The following DPYSL3 variants were observed in gnomAD, a reference collection of about 807,000 sequenced individuals.
DPYSL3 encodes the protein dihydropyrimidinase-related protein 3.
In DPYSL3, 16 loss-of-function variants were observed where a neutral mutation model predicts 66.1. The observed-to-expected ratio is 0.24, with a 90% confidence interval of 0.16 to 0.37. DPYSL3 has a LOEUF of 0.37. Among genes scored for constraint, DPYSL3 ranks in the 10% least tolerant of loss-of-function variants. The pLI is 1.00. For missense variants in DPYSL3, 738 were observed against 916.2 expected (o/e 0.81, Z 2.51); for synonymous variants, 338 against 345.1 (o/e 0.98, Z 0.23).
chr5:147,489,117 C>G (rs1319893369), intron 1 of DPYSL3, among the ~76,000 whole-genome samples: 1 of 152,132 alleles, frequency 6.6e-6, no homozygotes, highest in Non-Finnish European at 1.5e-5. Context: ...TTTCCATGCT[C>G]TATCTCCTGG....
At chr5:147,453,671 C>T in intron 1 of DPYSL3, 1 of 1,468,002 alleles carries the variant, frequency 6.8e-7, no homozygotes, top group Non-Finnish European at 9.1e-7. Context: ...CGCACAGCGC[C>T]CCGAGATCAG....
chr5:147,491,924 TA>T (rs1401197753), intron 1 of DPYSL3, among the ~76,000 whole-genome samples: 2 of 152,034 alleles, frequency 1.3e-5, no homozygotes, highest in Non-Finnish European at 2.9e-5. Context: ...CATCAGGCAC[TA>T]AACTACAGAT....
chr5:147,453,848 T>G (rs1441023564), intron 1 of DPYSL3: 1 of 436,660 alleles, frequency 2.3e-6, no homozygotes, highest in African/African-American at 6.1e-5. Flanking sequence ...CCGGGTTTTG[T>G]TTTTTTTTTT....
At chr5:147,494,480 C>A (rs1000484480) in intron 1 of DPYSL3, among the ~76,000 whole-genome samples, 3 of 151,672 alleles carry the variant, frequency 2.0e-5, no homozygotes, top group Non-Finnish European at 4.4e-5. Flanking sequence ...TGTCTCTAGC[C>A]AGGCTAACAA....
Position 147,393,762 on chromosome 5 carries a change from A to G in DPYSL3, c.*273T>C. 2.2e-6 allele frequency: 1 copy of G among 451,484 alleles called. No homozygotes were observed. The highest frequency in any genetic ancestry group is 4.1e-6 in the Non-Finnish European group (1 of 245,720). The allele number at this position is 451,484 out of a possible 1,614,324, so 28.0% of individuals were successfully genotyped here. ...CACGCTCTCAACACTATGATAGAGC[A>G]GACTCTTTTACCTTAGTGGCCTGTC... is the stretch of plus-strand genomic sequence containing the variant. On this transcript the variant is annotated 3_prime_UTR_variant, in exon 14 of 14. Coordinates refer to ENST00000343218, the MANE Select transcript of DPYSL3 (RefSeq NM_001197294.2).
intron 1 of DPYSL3, among the ~76,000 whole-genome samples, chr5:147,465,539 A>AT (rs1752997482): frequency 6.6e-6 from 1 of 152,094 alleles, no homozygotes; most frequent in Non-Finnish European, 1.5e-5. Flanking sequence ...ACCTCAGGTG[A>AT]TCCACCCGCC....
chr5:147,395,717 G>A lies in DPYSL3; in HGVS notation c.1808C>T (p.Ala603Val), dbSNP rs1374998534. The part of the protein sequence containing the change: ...YKRIKARRKM[A>V]DLHAVPRGMY... ...GCCCCTTGGGACGGCATGCAGGTCT[G>A]CCATCTGCAGCCAGAGAAGAGCATG... is the stretch of plus-strand genomic sequence containing the variant. The change falls in exon 13 of 14, where the codon GCA (alanine) becomes GTA (valine). Residue 603 changes from alanine (A) to valine (V), a missense_variant. Physicochemically the swap from Ala to Val is moderately conservative, Grantham distance 64. Coordinates refer to ENST00000343218, the MANE Select transcript of DPYSL3 (RefSeq NM_001197294.2). 3.7e-6 allele frequency: 6 copies of A among 1,613,470 alleles called. No individual in the cohort carries two copies. Among genetic ancestry groups the A allele is most frequent in the Non-Finnish European group, 5.1e-6 (6 of 1,180,002 alleles).
intron 1 of DPYSL3, among the ~76,000 whole-genome samples, chr5:147,505,241 G>T (rs1003586736): frequency 4.8e-5 from 7 of 147,110 alleles, no homozygotes; most frequent in East Asian, 2.0e-4. Context: ...ACTCAGAGAC[G>T]TTTTTTTTTT....
At chr5:147,472,333 A>G (rs192454547) in intron 1 of DPYSL3, among the ~76,000 whole-genome samples, 1 of 152,218 alleles carries the variant, frequency 6.6e-6, no homozygotes, top group African/African-American at 2.4e-5. Flanking sequence ...CTGAGATGCA[A>G]GACATAATGA....
chr5:147,401,322 C>T (rs1471317232), intron 9 of DPYSL3, among the ~76,000 whole-genome samples: 2 of 152,152 alleles, frequency 1.3e-5, no homozygotes, highest in Admixed American at 1.3e-4. Flanking sequence ...GTTTTAACTA[C>T]TATTACCATT....
intron 1 of DPYSL3, among the ~76,000 whole-genome samples, chr5:147,436,905 T>C (rs1337580499): frequency 2.6e-5 from 4 of 152,206 alleles, no homozygotes; most frequent in Non-Finnish European, 5.9e-5. Context: ...AGACTAAGAA[T>C]AATTTTGAGG....
intron 1 of DPYSL3, among the ~76,000 whole-genome samples, chr5:147,496,268 A>G (rs1581218712): frequency 6.6e-6 from 1 of 152,378 alleles, no homozygotes; most frequent in East Asian, 1.9e-4. Flanking sequence ...TTAAAGACTT[A>G]CATGTTAGAC....
chr5:147,422,380 G>T (rs976514900), intron 2 of DPYSL3, among the ~76,000 whole-genome samples: 2 of 152,194 alleles, frequency 1.3e-5, no homozygotes, highest in African/African-American at 4.8e-5. Flanking sequence ...TGGAGAAATA[G>T]GAATGCTTTT....
At chr5:147,501,967 A>G (rs1753618719) in intron 1 of DPYSL3, among the ~76,000 whole-genome samples, 1 of 152,188 alleles carries the variant, frequency 6.6e-6, no homozygotes, top group East Asian at 1.9e-4. Flanking sequence ...TTTTTTAAAA[A>G]GGTGATATCT....
chr5:147,491,587 A>G (rs1753415854), intron 1 of DPYSL3, among the ~76,000 whole-genome samples: 1 of 152,184 alleles, frequency 6.6e-6, no homozygotes, highest in African/African-American at 2.4e-5. Flanking sequence ...GAAGACAGAA[A>G]TTCTAAAAAA....
At chr5:147,442,984 G>GA (rs934124403) in intron 1 of DPYSL3, among the ~76,000 whole-genome samples, 9 of 152,106 alleles carry the variant, frequency 5.9e-5, no homozygotes, top group African/African-American at 2.2e-4. Flanking sequence ...TTTTGTAATG[G>GA]AAAAAAAGCC....
At chr5:147,451,169 G>A (rs1036356314) in intron 1 of DPYSL3, among the ~76,000 whole-genome samples, 1 of 152,228 alleles carries the variant, frequency 6.6e-6, no homozygotes, top group South Asian at 2.1e-4. Flanking sequence ...TTTACAAATG[G>A]ATTCCTTATC....
At chr5:147,499,205 G>A (rs553409368) in intron 1 of DPYSL3, among the ~76,000 whole-genome samples, 3 of 152,248 alleles carry the variant, frequency 2.0e-5, no homozygotes, top group Admixed American at 2.0e-4. Context: ...GAAACAAACT[G>A]TATTTCTTTG....
chr5:147,399,056 T>C, intron 11 of DPYSL3, 26 bp downstream of exon 11: 1 of 1,610,964 alleles, frequency 6.2e-7, no homozygotes, highest in South Asian at 1.1e-5. Flanking sequence ...TCCATTCTAC[T>C]CCACTCCCAC....
Sources: allele counts gnomAD v4.1 joint callset (sites outside exome capture counted in the v4.1 genomes callset), GRCh38; gene constraint gnomAD v4.1.1; transcripts MANE v1.5; gene names NCBI Gene and HGNC (gene_info 2026-07-23, HGNC 2026-07-21).